DTNBP1: variants seen among roughly 807,000 people sequenced by gnomAD.
The protein encoded by DTNBP1 is dysbindin.
DTNBP1 carries 35 observed loss-of-function variants against 42.8 expected under a neutral mutation model. The ratio of observed to expected loss-of-function variants is 0.82; its 90% CI spans 0.63 to 1.09. DTNBP1 has a LOEUF of 1.09. Among genes scored for constraint, DTNBP1 ranks in the 50% least tolerant of loss-of-function variants. The pLI, the probability that DTNBP1 is intolerant of heterozygous loss-of-function variation, is 0.00. For missense variants in DTNBP1, 457 were observed against 424.2 expected (o/e 1.08, Z -0.68); for synonymous variants, 171 against 162.2 (o/e 1.05, Z -0.41).
intron 6 of DTNBP1, among the ~76,000 whole-genome samples, chr6:15,597,500 A>T (rs1241247187): frequency 6.6e-6 from 1 of 152,226 alleles, no homozygotes; most frequent in African/African-American, 2.4e-5. Flanking sequence ...TTATTAGCAT[A>T]AAAATGCTAA....
At position 15,662,905 on chromosome 6, in the gene DTNBP1, G is replaced by A; in HGVS notation, c.-36C>T. 3.7e-6 allele frequency: 6 copies of A among 1,600,958 alleles called. No individual in the cohort carries two copies. Among genetic ancestry groups the A allele is most frequent in the Non-Finnish European group, 5.1e-6 (6 of 1,179,020 alleles). On this transcript the variant is annotated 5_prime_UTR_variant, in exon 1 of 10. Coordinates refer to ENST00000344537, the MANE Select transcript of DTNBP1 (RefSeq NM_032122.5). The stretch of plus-strand genomic sequence containing the variant: ...GCCGGTCTCCTCTCCTCAGGCCTCG[G>A]GCTGCTGCTGCCTCTGTCGCCCCCT...
At chr6:15,557,775 T>C (rs533020725) in intron 7 of DTNBP1, among the ~76,000 whole-genome samples, 2 of 152,304 alleles carry the variant, frequency 1.3e-5, no homozygotes, top group South Asian at 4.1e-4. Flanking sequence ...CTTTTTAAAA[T>C]CTTTATCATT....
At chr6:15,594,629 G>A (rs561312925) in intron 6 of DTNBP1, among the ~76,000 whole-genome samples, 29 of 152,184 alleles carry the variant, frequency 1.9e-4, no homozygotes, top group Non-Finnish European at 3.1e-4. Flanking sequence ...AATACAACAG[G>A]AAGGCAATAT....
At position 15,587,891 on chromosome 6, in the gene DTNBP1, A is replaced by G. The variant is rs1158264819; in HGVS notation, c.511+5168T>C. 6.6e-6 allele frequency among the ~76,000 whole-genome samples: 1 copy of G among 152,218 alleles called. No homozygotes were observed. Among genetic ancestry groups the G allele is most frequent in the Non-Finnish European group, 1.5e-5 (1 of 68,036 alleles). The stretch of plus-strand genomic sequence containing the variant: ...GCAGCCCTCACACACTGCTGATAGG[A>G]ACGTAAAATGGTACAGCCATTTTAG... On this transcript the variant is annotated intron_variant, in intron 7 of 9. Transcript: ENST00000344537. The surrounding 1 kb of genome is among the most constrained non-coding windows in gnomAD (Gnocchi z 4.1).
At chr6:15,557,246 ATTTTTT>A (rs34529397) in intron 7 of DTNBP1, among the ~76,000 whole-genome samples, 3 of 135,078 alleles carry the variant, frequency 2.2e-5, no homozygotes, top group South Asian at 2.4e-4. Context: ...GGGGGTGGGA[ATTTTTT>A]TTTTTTTTTT....
chr6:15,541,935 T>C (rs1001690269), intron 7 of DTNBP1, among the ~76,000 whole-genome samples: 4 of 152,114 alleles, frequency 2.6e-5, no homozygotes, highest in African/African-American at 9.7e-5. Flanking sequence ...CTGGGAGTCA[T>C]GTATAGAAAA....
intron 3 of DTNBP1, among the ~76,000 whole-genome samples, chr6:15,644,878 A>G (rs891901207): frequency 6.6e-6 from 1 of 152,106 alleles, no homozygotes; most frequent in Non-Finnish European, 1.5e-5. Flanking sequence ...AAGAACTAGA[A>G]AGGCAAGAAC....
intron 3 of DTNBP1, among the ~76,000 whole-genome samples, chr6:15,647,980 C>G (rs1760778728): frequency 6.6e-6 from 1 of 151,972 alleles, no homozygotes; most frequent in Non-Finnish European, 1.5e-5. Context: ...ACCAATACCC[C>G]TTATGAATAC....
intron 4 of DTNBP1, among the ~76,000 whole-genome samples, chr6:15,632,087 G>A (rs1295006264): frequency 1.3e-5 from 2 of 152,012 alleles, no homozygotes; most frequent in African/African-American, 2.4e-5. Flanking sequence ...TTTCTCTTCT[G>A]CAATATGCCT....
At chr6:15,570,773 T>C (rs1232792130) in intron 7 of DTNBP1, among the ~76,000 whole-genome samples, 3 of 152,146 alleles carry the variant, frequency 2.0e-5, no homozygotes, top group Non-Finnish European at 4.4e-5. Flanking sequence ...TTAAAGGGGG[T>C]AAAAGTTTTT....
intron 5 of DTNBP1, among the ~76,000 whole-genome samples, chr6:15,618,119 G>C (rs1335173274): frequency 1.3e-5 from 2 of 151,566 alleles, no homozygotes; most frequent in Non-Finnish European, 2.9e-5. Flanking sequence ...AAATTCCCAA[G>C]AAATTCTTAC....
At chr6:15,544,146 T>C (rs1040121236) in intron 7 of DTNBP1, among the ~76,000 whole-genome samples, 7 of 152,244 alleles carry the variant, frequency 4.6e-5, no homozygotes, top group Non-Finnish European at 8.8e-5. Flanking sequence ...TGTTATTTCA[T>C]ATGTTATGTA....
rs1047006154 is a variant in DTNBP1, at chr6:15,660,603, C to T, written c.56+2211G>A. 8.8e-6 allele frequency: 11 copies of T among 1,251,878 alleles called. No individual in the cohort carries two copies. In the African/African-American group the frequency reaches 1.5e-4, roughly 18 times the overall value. 77.5% of individuals were successfully genotyped at this position (1,251,878 alleles called of 1,614,324 possible). ...CCAAAATGGCCCCAGACTACGGCATCTTTAAGAAGTCAAGTCAGTTTCCAA... is the reference window on the plus strand; with the variant it reads ...CCAAAATGGCCCCAGACTACGGCATTTTTAAGAAGTCAAGTCAGTTTCCAA... On this transcript the variant is annotated intron_variant, in intron 1 of 9. Transcript: ENST00000344537.
chr6:15,639,648 A>G (rs1256735567), intron 3 of DTNBP1, among the ~76,000 whole-genome samples: 2 of 152,254 alleles, frequency 1.3e-5, no homozygotes, highest in African/African-American at 4.8e-5. Context: ...GTAAGCATCA[A>G]TTAAAATCAA....
intron 1 of DTNBP1, among the ~76,000 whole-genome samples, chr6:15,660,754 G>A (rs942833740): frequency 5.3e-5 from 8 of 152,082 alleles, no homozygotes; most frequent in Admixed American, 1.3e-4. Flanking sequence ...TCTACATTCC[G>A]GGGTAAAATG....
At chr6:15,617,209 T>C (rs916237981) in intron 5 of DTNBP1, among the ~76,000 whole-genome samples, 34 of 151,730 alleles carry the variant, frequency 2.2e-4, no homozygotes, top group African/African-American at 8.0e-4. Flanking sequence ...AAAACACTAA[T>C]GAAAGAAGTT....
intron 9 of DTNBP1, among the ~76,000 whole-genome samples, 177 bp from the exon 10 acceptor site, chr6:15,523,396 G>A (rs1488621842): frequency 6.6e-6 from 1 of 152,168 alleles, no homozygotes; most frequent in Non-Finnish European, 1.5e-5. Flanking sequence ...AGCGATGCCA[G>A]AGGCAGCCTC....
At chr6:15,579,063 G>T (rs954490471) in intron 7 of DTNBP1, among the ~76,000 whole-genome samples, 1 of 152,158 alleles carries the variant, frequency 6.6e-6, no homozygotes, top group Non-Finnish European at 1.5e-5. Flanking sequence ...CCAAAGAAAA[G>T]AAAATCAGTA....
intron 6 of DTNBP1, among the ~76,000 whole-genome samples, chr6:15,595,557 G>A (rs1036672556): frequency 6.6e-6 from 1 of 152,104 alleles, no homozygotes; most frequent in African/African-American, 2.4e-5. Context: ...ATGAGTCATC[G>A]TGCCCAACCA....
Sources: gnomAD v4.1 joint callset for allele counts (sites outside exome capture counted in the v4.1 genomes callset) on GRCh38, gnomAD v4.1.1 for gene constraint, Gnocchi (gnomAD v3.1) non-coding constraint, MANE v1.5 for transcripts, NCBI Gene and HGNC (gene_info 2026-07-23, HGNC 2026-07-21) for gene names.